ADGRB3: variants seen among roughly 807,000 people sequenced by gnomAD.
ADGRB3 encodes the protein brain-specific angiogenesis inhibitor 3.
Under a neutral mutation model 193.4 loss-of-function variants are expected in ADGRB3, and 37 were observed. The ratio of observed to expected loss-of-function variants is 0.19; its 90% CI spans 0.15 to 0.25. The LOEUF is 0.25. ADGRB3 is among the 10% of genes least tolerant of loss of function. ADGRB3 has a pLI of 1.00. For synonymous variants in ADGRB3, 690 were observed against 644.2 expected (o/e 1.07, Z -1.08); for missense variants, 1,637 against 1,852.9 (o/e 0.88, Z 2.14).
chr6:68,885,381 A>G (rs1432519822), intron 3 of ADGRB3, among the ~76,000 whole-genome samples: 2 of 152,178 alleles, frequency 1.3e-5, no homozygotes, highest in South Asian at 2.1e-4. Context: ...CATATTATGT[A>G]TTTATGGGGT....
chr6:69,059,262 A>G (rs968340253), intron 15 of ADGRB3, among the ~76,000 whole-genome samples: 2 of 152,066 alleles, frequency 1.3e-5, no homozygotes, highest in African/African-American at 4.8e-5. Flanking sequence ...TTTGTTTGAT[A>G]TAAGTGTAGC....
chr6:68,747,830 A>C (rs886617333), intron 3 of ADGRB3, among the ~76,000 whole-genome samples: 1 of 152,176 alleles, frequency 6.6e-6, no homozygotes, highest in African/African-American at 2.4e-5. Flanking sequence ...GTCGGTTTTC[A>C]TGCTGCTGAT....
chr6:69,285,338 C>T (rs2127288907), intron 20 of ADGRB3, among the ~76,000 whole-genome samples: 1 of 152,252 alleles, frequency 6.6e-6, no homozygotes, highest in Middle Eastern at 3.4e-3. Context: ...TCAGAGCTTC[C>T]TCTACTTCTA....
intron 3 of ADGRB3, among the ~76,000 whole-genome samples, chr6:68,749,125 G>C (rs766157459): frequency 2.0e-5 from 3 of 152,080 alleles, no homozygotes; most frequent in Non-Finnish European, 4.4e-5. Context: ...TGATGGGAGG[G>C]GCTGCCATGA....
chr6:68,820,428 G>A (rs1767728106), intron 3 of ADGRB3, among the ~76,000 whole-genome samples: 1 of 151,896 alleles, frequency 6.6e-6, no homozygotes, highest in African/African-American at 2.4e-5. Flanking sequence ...TGGAGAATGT[G>A]TAACGGTCAC....
chr6:68,907,542 A>AT (rs1202378754), intron 3 of ADGRB3, among the ~76,000 whole-genome samples: 1 of 151,768 alleles, frequency 6.6e-6, no homozygotes, highest in Non-Finnish European at 1.5e-5. Flanking sequence ...ATTTTTTCTA[A>AT]TTTTTTTAGG....
At chr6:69,178,711 T>C (rs1367228436) in intron 17 of ADGRB3, among the ~76,000 whole-genome samples, 1 of 152,218 alleles carries the variant, frequency 6.6e-6, no homozygotes, top group Admixed American at 6.5e-5. Flanking sequence ...CTTATGAAGC[T>C]TAGTTTGGCA....
At chr6:68,962,672 G>GA (rs1373726127) in intron 8 of ADGRB3, among the ~76,000 whole-genome samples, 5 of 151,800 alleles carry the variant, frequency 3.3e-5, no homozygotes, top group East Asian at 3.9e-4. Context: ...GTTTTTCTGG[G>GA]AAAAAATAAA....
rs376973618 is a variant in ADGRB3 at position 68,802,956 on chromosome 6, C to T, written c.758-127603C>T. Among the ~76,000 whole-genome samples the T allele has an allele frequency of 7.2e-5, 11 of 152,262 alleles. No homozygotes were observed. In the South Asian group the frequency reaches 1.9e-3, roughly 26 times the overall value. ...CATTTAAGGTCCTTGTCATCTACCT[C>T]GACTTATCTTTCCAATGTTGTCACT... On this transcript the variant is annotated intron_variant, in intron 3 of 31. Transcript: ENST00000370598.
At chr6:68,658,744 G>A (rs1214337996) in intron 3 of ADGRB3, among the ~76,000 whole-genome samples, 2 of 150,824 alleles carry the variant, frequency 1.3e-5, no homozygotes, top group African/African-American at 4.8e-5. Flanking sequence ...TAGGTTACAG[G>A]GGCATAGATG....
intron 26 of ADGRB3, among the ~76,000 whole-genome samples, chr6:69,345,243 T>C (rs534335996): frequency 6.6e-6 from 1 of 152,200 alleles, no homozygotes; most frequent in East Asian, 1.9e-4. Context: ...TAGAAGGTGG[T>C]TGTACTGATT....
intron 3 of ADGRB3, among the ~76,000 whole-genome samples, chr6:68,924,998 G>A (rs1340487467): frequency 6.6e-6 from 1 of 151,600 alleles, no homozygotes; most frequent in Non-Finnish European, 1.5e-5. Context: ...ATGGTTCTAT[G>A]GGGAAATGAA....
intron 20 of ADGRB3, among the ~76,000 whole-genome samples, chr6:69,297,340 A>ATCTCTC (rs386407481): frequency 0.034 from 3,798 of 111,660 alleles, 76 homozygotes; most frequent in South Asian, 0.063. Flanking sequence ...TTCTACTGAT[A>ATCTCTC]TCTCTCTCTC....
chr6:68,740,126 AT>A (rs1765951133), intron 3 of ADGRB3, among the ~76,000 whole-genome samples: 1 of 152,120 alleles, frequency 6.6e-6, no homozygotes, highest in South Asian at 2.1e-4. Context: ...TACTTCTGCA[AT>A]TTTCTGATAA....
At chr6:68,801,111 G>A (rs1292508535) in intron 3 of ADGRB3, among the ~76,000 whole-genome samples, 2 of 152,302 alleles carry the variant, frequency 1.3e-5, no homozygotes, top group East Asian at 3.9e-4. Flanking sequence ...TTATTTCACT[G>A]TTCAACCTGC....
chr6:69,144,662 T>C (rs1412169716), intron 17 of ADGRB3, among the ~76,000 whole-genome samples: 1 of 152,228 alleles, frequency 6.6e-6, no homozygotes, highest in East Asian at 1.9e-4. Flanking sequence ...TCAATTGAAA[T>C]GATCATATTA....
At chr6:69,365,646 G>T (rs1769551813) in intron 29 of ADGRB3, among the ~76,000 whole-genome samples, 1 of 152,014 alleles carries the variant, frequency 6.6e-6, no homozygotes, top group Non-Finnish European at 1.5e-5. Flanking sequence ...AGATTTTGTT[G>T]TTTTAGCTTG....
At chr6:69,093,020 G>A (rs1347015779) in intron 17 of ADGRB3, among the ~76,000 whole-genome samples, 1 of 151,514 alleles carries the variant, frequency 6.6e-6, no homozygotes, top group African/African-American at 2.4e-5. Context: ...AGGGGTGGAA[G>A]GGTGAACAGC....
chr6:69,085,561 T>A (rs982288559), intron 17 of ADGRB3, among the ~76,000 whole-genome samples: 1 of 151,736 alleles, frequency 6.6e-6, no homozygotes, highest in East Asian at 1.9e-4. Flanking sequence ...TTTGAATGAC[T>A]CAGACTAATT....
Sources: allele counts gnomAD v4.1 joint callset (sites outside exome capture counted in the v4.1 genomes callset), GRCh38; gene constraint gnomAD v4.1.1; transcripts MANE v1.5; gene names NCBI Gene and HGNC (gene_info 2026-07-23, HGNC 2026-07-21).